The following ATXN1 variants were observed in gnomAD, a reference collection of about 807,000 sequenced individuals.
ATXN1 encodes ataxin-1.
In ATXN1, 8 loss-of-function variants were observed where a neutral mutation model predicts 56.4. That is an observed-to-expected ratio of 0.14 (90% CI 0.08 to 0.26). The LOEUF (loss-of-function observed/expected upper bound fraction) is 0.26, where lower values mean the gene tolerates loss of function less well. Among genes scored for constraint, ATXN1 ranks in the 10% least tolerant of loss-of-function variants. The probability of loss-of-function intolerance (pLI) is 1.00; values close to 1 mark genes in which losing one functional copy is unlikely to be tolerated. For missense variants in ATXN1, 987 were observed against 1,106.5 expected, an observed-to-expected ratio of 0.89 and a Z score of 1.53; for synonymous variants, 514 against 494.6, an observed-to-expected ratio of 1.04 and a Z score of -0.52.
chr6:16,476,987 C>T (rs1320460514), intron 6 of ATXN1, among the ~76,000 whole-genome samples: 1 of 152,194 alleles, frequency 6.6e-6, no homozygotes, highest in Non-Finnish European at 1.5e-5. Context: ...TGACAACGGT[C>T]ATTGAGACTA....
intron 6 of ATXN1, among the ~76,000 whole-genome samples, chr6:16,338,152 G>A (rs751583887): frequency 1.1e-4 from 16 of 152,286 alleles, no homozygotes; most frequent in Admixed American, 2.6e-4. Context: ...TAGAGAACAG[G>A]TTCAAACCTT....
At chr6:16,592,700 C>T (rs1010845678) in intron 3 of ATXN1, among the ~76,000 whole-genome samples, 3 of 152,072 alleles carry the variant, frequency 2.0e-5, no homozygotes, top group Non-Finnish European at 4.4e-5. Flanking sequence ...CGTGGTCTCG[C>T]TGACTTCAAG....
At chr6:16,602,452 A>G (rs1762928247) in intron 3 of ATXN1, among the ~76,000 whole-genome samples, 1 of 151,324 alleles carries the variant, frequency 6.6e-6, no homozygotes, top group African/African-American at 2.4e-5. Flanking sequence ...AGCAGCCAAA[A>G]TTCTTTTTTT....
chr6:16,617,019 T>C (rs1382589284), intron 3 of ATXN1, among the ~76,000 whole-genome samples: 4 of 152,132 alleles, frequency 2.6e-5, no homozygotes, highest in Non-Finnish European at 5.9e-5. Flanking sequence ...TTTATCATGG[T>C]GTGTACGTAC....
At chr6:16,385,913 C>T (rs1758230790) in intron 6 of ATXN1, among the ~76,000 whole-genome samples, 2 of 152,208 alleles carry the variant, frequency 1.3e-5, no homozygotes, top group South Asian at 2.1e-4. Flanking sequence ...TACAGGGCTA[C>T]AGTGTGTTCA....
At chr6:16,512,123 C>A (rs1449451579) in intron 5 of ATXN1, among the ~76,000 whole-genome samples, 1 of 152,236 alleles carries the variant, frequency 6.6e-6, no homozygotes. Context: ...CTCCATTCAG[C>A]GTCAGGGTGA....
intron 4 of ATXN1, among the ~76,000 whole-genome samples, chr6:16,555,140 T>C (rs567689705): frequency 6.6e-6 from 1 of 152,266 alleles, no homozygotes; most frequent in East Asian, 1.9e-4. Context: ...TTCCTGTTTA[T>C]TGTACATAAT....
chr6:16,448,454 C>A (rs1043573828), intron 6 of ATXN1, among the ~76,000 whole-genome samples: 1 of 152,170 alleles, frequency 6.6e-6, no homozygotes, highest in African/African-American at 2.4e-5. Context: ...TTATTCATTA[C>A]TGATATATCA....
chr6:16,559,683 T>C (rs1762079510), intron 4 of ATXN1, among the ~76,000 whole-genome samples: 2 of 152,156 alleles, frequency 1.3e-5, no homozygotes, highest in Admixed American at 6.5e-5. Flanking sequence ...ATAAGAGAGA[T>C]GCTTATTTTT....
In ATXN1 at chr6:16,327,772, A is replaced by G; in HGVS notation, c.539T>C (p.Leu180Pro). ...GCTCAGACTGCCCATGTTGGCCAGC[A>G]GAGTGGAATAGGCCTCCAGCTGGGA... is the stretch of plus-strand genomic sequence containing the variant. ...QRSQLEAYSTLLANMGSLSQT... is the reference protein window; with the variant it reads ...QRSQLEAYSTPLANMGSLSQT... Residue 180 changes from leucine (L) to proline (P), a missense_variant, in exon 7 of 8, where the codon CTG becomes CCG. This residue lies in a region of ATXN1 where 723 missense variants were observed against 791.7 expected (regional missense o/e 0.91). Coordinates refer to ENST00000436367, the MANE Select transcript of ATXN1 (RefSeq NM_001128164.2). 1.2e-6 allele frequency: 2 copies of G among 1,609,870 alleles called. No homozygotes were observed. The highest frequency in any genetic ancestry group is 1.7e-6 in the Non-Finnish European group (2 of 1,179,926).
At chr6:16,596,003 T>A (rs1762809035) in intron 3 of ATXN1, among the ~76,000 whole-genome samples, 1 of 146,032 alleles carries the variant, frequency 6.8e-6, no homozygotes, top group African/African-American at 2.4e-5. Context: ...CGTTATTTTG[T>A]TTTTTTATTT....
At chr6:16,374,033 T>C (rs1762098306) in intron 6 of ATXN1, among the ~76,000 whole-genome samples, 1 of 151,270 alleles carries the variant, frequency 6.6e-6, no homozygotes, top group South Asian at 2.1e-4. Context: ...ATAAACCAGG[T>C]GATAATACAT....
At chr6:16,476,879 C>T (rs1288495596) in intron 6 of ATXN1, among the ~76,000 whole-genome samples, 1 of 152,154 alleles carries the variant, frequency 6.6e-6, no homozygotes, top group African/African-American at 2.4e-5. Context: ...ACAAAACGTG[C>T]TAGAAATGGT....
chr6:16,535,910 C>CAATTTTAAGGAGTACAGACTAA, intron 4 of ATXN1, among the ~76,000 whole-genome samples: 1 of 152,222 alleles, frequency 6.6e-6, no homozygotes, highest in East Asian at 1.9e-4. Flanking sequence ...TGGACTGTCC[C>CAATTTTAAGGAGTACAGACTAA]TCAATTTGGG....
chr6:16,484,598 T>C (rs1248669340), intron 6 of ATXN1, among the ~76,000 whole-genome samples: 5 of 152,180 alleles, frequency 3.3e-5, no homozygotes, highest in South Asian at 4.1e-4. Context: ...TGATTTCCAC[T>C]AGACCCAACG....
intron 6 of ATXN1, among the ~76,000 whole-genome samples, chr6:16,459,402 T>A (rs908530962): frequency 6.6e-6 from 1 of 152,148 alleles, no homozygotes; most frequent in African/African-American, 2.4e-5. Context: ...GTTATACATT[T>A]AAAAGTTCGA....
chr6:16,492,141 T>C (rs1020842045), intron 5 of ATXN1, among the ~76,000 whole-genome samples: 29 of 151,970 alleles, frequency 1.9e-4, no homozygotes, highest in African/African-American at 1.2e-4. Flanking sequence ...CAACAGATAA[T>C]TCAACTAAGC....
chr6:16,312,014 G>A (rs747155601), intron 7 of ATXN1, among the ~76,000 whole-genome samples: 2 of 152,124 alleles, frequency 1.3e-5, no homozygotes, highest in Non-Finnish European at 2.9e-5. Flanking sequence ...GCAGATGGCC[G>A]GACACCTACC....
At chr6:16,715,619 AT>A (rs775715521) in intron 2 of ATXN1, among the ~76,000 whole-genome samples, 1 of 152,192 alleles carries the variant, frequency 6.6e-6, no homozygotes, top group Non-Finnish European at 1.5e-5. Flanking sequence ...AGCTACATAT[AT>A]TTGGAAGAAA....
Sources: gnomAD v4.1 joint callset for allele counts (sites outside exome capture counted in the v4.1 genomes callset) on GRCh38, gnomAD v4.1.1 for gene constraint, gnomAD v4.1.1 regional missense constraint, MANE v1.5 for transcripts, NCBI Gene and HGNC (gene_info 2026-07-23, HGNC 2026-07-21) for gene names.